XRCC4: variants seen among roughly 807,000 people sequenced by gnomAD.
The protein encoded by XRCC4 is DNA repair protein XRCC4.
A neutral mutation model predicts 39.1 loss-of-function variants in XRCC4; 28 were observed. That is an observed-to-expected ratio of 0.72 (90% CI 0.53 to 0.98). The LOEUF (loss-of-function observed/expected upper bound fraction) is 0.98, where lower values mean the gene tolerates loss of function less well. Ranked by LOEUF, XRCC4 falls within the 50% of genes least tolerant of loss-of-function variation. XRCC4 has a pLI of 0.00. For missense variants in XRCC4, 350 were observed against 376.4 expected (o/e 0.93, Z 0.58); for synonymous variants, 123 against 126.4 (o/e 0.97, Z 0.18).
chr5:83,098,243 C>G (rs551893552), intron 1 of XRCC4, among the ~76,000 whole-genome samples: 11 of 152,240 alleles, frequency 7.2e-5, no homozygotes, highest in African/African-American at 9.6e-5. Flanking sequence ...TACTAATGCT[C>G]TGTTCCTAAA....
intron 4 of XRCC4, among the ~76,000 whole-genome samples, chr5:83,197,488 G>A (rs1751001042): frequency 6.6e-6 from 1 of 152,098 alleles, no homozygotes; most frequent in African/African-American, 2.4e-5. Context: ...GTCTGCCAGA[G>A]GTTGAAAGAG....
At chr5:83,372,917 T>C in the XRCC4 span, among the ~76,000 whole-genome samples, 1 of 152,200 alleles carries the variant, frequency 6.6e-6, no homozygotes, top group East Asian at 1.9e-4. Flanking sequence ...GCTTGTTTTA[T>C]TCACTTTTTG....
In XRCC4 at chr5:83,095,235, A is replaced by T. The variant is rs138882676; in HGVS notation, c.-10-9675A>T. On this transcript the variant is annotated intron_variant, in intron 1 of 7. Transcript: ENST00000396027. ...TACATAGGTTCTCTTATCTGACAGG[A>T]CCACCGTCTGAGCTCTGCAATCAGG... Among the ~76,000 whole-genome samples the T allele has an allele frequency of 6.4e-4, 98 of 152,180 alleles. 1 individual carries two copies. In the East Asian group the frequency reaches 0.016, roughly 25 times the overall value.
At chr5:83,191,732 C>A (rs1462095330) in intron 3 of XRCC4, among the ~76,000 whole-genome samples, 1 of 152,122 alleles carries the variant, frequency 6.6e-6, no homozygotes, top group Non-Finnish European at 1.5e-5. Context: ...GGTTTCCCTG[C>A]ATAAGCTCTG....
At position 83,184,661 on chromosome 5, in the gene XRCC4, A is replaced by G. The variant is rs1457389132; in HGVS notation, c.316-11109A>G. Among the ~76,000 whole-genome samples the G allele has an allele frequency of 2.0e-5, 3 of 152,242 alleles. No individual in the cohort carries two copies. The East Asian group carries it at 5.8e-4, about 29-fold the overall frequency. On this transcript the variant is annotated intron_variant, in intron 3 of 7. Coordinates refer to ENST00000396027, the MANE Select transcript of XRCC4 (RefSeq NM_003401.5). The stretch of plus-strand genomic sequence containing the variant: ...TATCCCATAGCATGATAATTTTATC[A>G]TATTATAACTTTTGGCCAGTATTTG...
intron 7 of XRCC4, among the ~76,000 whole-genome samples, chr5:83,344,923 G>T (rs564240854): frequency 1.3e-5 from 2 of 152,148 alleles, no homozygotes; most frequent in Admixed American, 1.3e-4. Flanking sequence ...TGATATTATT[G>T]TACATTTTAA....
the XRCC4 span, among the ~76,000 whole-genome samples, chr5:83,361,945 C>T: frequency 6.6e-6 from 1 of 152,102 alleles, no homozygotes; most frequent in African/African-American, 2.4e-5. Flanking sequence ...TTCCCTCTGT[C>T]CCTCCTTCCC....
intron 7 of XRCC4, among the ~76,000 whole-genome samples, chr5:83,265,324 AT>A (rs1753916594): frequency 6.6e-6 from 1 of 152,114 alleles, no homozygotes; most frequent in Non-Finnish European, 1.5e-5. Flanking sequence ...AGCAAACCTC[AT>A]TTTTTACACA....
intron 7 of XRCC4, among the ~76,000 whole-genome samples, chr5:83,345,771 A>G (rs1024245642): frequency 1.3e-5 from 2 of 152,226 alleles, no homozygotes; most frequent in African/African-American, 4.8e-5. Context: ...GATAAATATC[A>G]TTTTAAGGAT....
At chr5:83,321,520 C>T (rs1025918979) in intron 7 of XRCC4, among the ~76,000 whole-genome samples, 1 of 146,110 alleles carries the variant, frequency 6.8e-6, no homozygotes, top group East Asian at 1.9e-4. Context: ...TCTTGGTAGC[C>T]TTGCCTGTTC....
intron 6 of XRCC4, among the ~76,000 whole-genome samples, chr5:83,210,318 C>T (rs954022): frequency 0.027 from 4,180 of 152,180 alleles, 101 homozygotes; most frequent in Middle Eastern, 0.054. Context: ...TTTAGTTAAA[C>T]CTACCACCAA....
chr5:83,153,723 T>A (rs1407168370), intron 3 of XRCC4, among the ~76,000 whole-genome samples: 1 of 152,202 alleles, frequency 6.6e-6, no homozygotes, highest in Non-Finnish European at 1.5e-5. Flanking sequence ...CTCCTCAATG[T>A]CAATGATTTT....
intron 3 of XRCC4, among the ~76,000 whole-genome samples, chr5:83,113,682 G>A (rs1349366688): frequency 6.6e-6 from 1 of 151,286 alleles, no homozygotes; most frequent in Non-Finnish European, 1.5e-5. Context: ...GTGCAATGGC[G>A]TGATCTCCAT....
intron 6 of XRCC4, among the ~76,000 whole-genome samples, chr5:83,224,794 C>G (rs1580392081): frequency 6.6e-6 from 1 of 152,136 alleles, no homozygotes; most frequent in East Asian, 1.9e-4. Context: ...ATATAGCACT[C>G]TTCAGATGTA....
At chr5:83,143,504 T>C (rs1016733105) in intron 3 of XRCC4, among the ~76,000 whole-genome samples, 4 of 152,198 alleles carry the variant, frequency 2.6e-5, no homozygotes, top group Non-Finnish European at 5.9e-5. Flanking sequence ...AACATTCTGT[T>C]GTGGAGTTGG....
chr5:83,323,372 A>T (rs1311671626), intron 7 of XRCC4, among the ~76,000 whole-genome samples: 5 of 152,094 alleles, frequency 3.3e-5, no homozygotes, highest in Non-Finnish European at 5.9e-5. Context: ...AAGAAAATGA[A>T]TATTACAGCA....
chr5:83,245,482 A>G (rs147114553), intron 6 of XRCC4, among the ~76,000 whole-genome samples: 3 of 152,110 alleles, frequency 2.0e-5, no homozygotes, highest in Admixed American at 6.5e-5. Context: ...TGTAGCTACT[A>G]GAAACCTAGG....
chr5:83,190,545 A>G (rs1394124551), intron 3 of XRCC4, among the ~76,000 whole-genome samples: 1 of 152,160 alleles, frequency 6.6e-6, no homozygotes, highest in Non-Finnish European at 1.5e-5. Flanking sequence ...CAGGATAGTA[A>G]TGAACTTTAA....
At chr5:83,340,583 G>A (rs1756724926) in intron 7 of XRCC4, among the ~76,000 whole-genome samples, 1 of 151,522 alleles carries the variant, frequency 6.6e-6, no homozygotes, top group Admixed American at 6.6e-5. Flanking sequence ...TGGCTTTGAA[G>A]TTTTGAAGAC....
Sources: gnomAD v4.1 joint callset for allele counts (sites outside exome capture counted in the v4.1 genomes callset) on GRCh38, gnomAD v4.1.1 for gene constraint, MANE v1.5 for transcripts, NCBI Gene and HGNC (gene_info 2026-07-23, HGNC 2026-07-21) for gene names.